ME1: variants seen among roughly 807,000 people sequenced by gnomAD.
ME1 encodes the protein NADP-dependent malic enzyme.
A neutral mutation model predicts 66.4 loss-of-function variants in ME1; 74 were observed. The ratio of observed to expected loss-of-function variants is 1.11; its 90% CI spans 0.92 to 1.35. The LOEUF is 1.35. ME1 is among the 40% of genes most tolerant of loss of function. The probability of loss-of-function intolerance (pLI) is 0.00; values close to 1 mark genes in which losing one functional copy is unlikely to be tolerated. For synonymous variants in ME1, 251 were observed against 235.6 expected, an observed-to-expected ratio of 1.07 and a Z score of -0.60; for missense variants, 750 against 694.1, an observed-to-expected ratio of 1.08 and a Z score of -0.90.
intron 1 of ME1, 41 bp from the exon 2 acceptor site, chr6:83,407,942 A>G (rs1448041056): frequency 4.6e-6 from 7 of 1,526,056 alleles, no homozygotes; most frequent in Non-Finnish European, 6.1e-6. Flanking sequence ...ACAGTATTTG[A>G]GAGGAAAATA....
intron 2 of ME1, among the ~76,000 whole-genome samples, chr6:83,400,717 T>C (rs1380248168): frequency 6.6e-6 from 1 of 152,200 alleles, no homozygotes; most frequent in Non-Finnish European, 1.5e-5. Flanking sequence ...ATAGCTTAGA[T>C]CATGTGGCTC....
At chr6:83,364,708 T>C (rs2128546439) in intron 3 of ME1, among the ~76,000 whole-genome samples, 1 of 151,848 alleles carries the variant, frequency 6.6e-6, no homozygotes, top group African/African-American at 2.4e-5. Flanking sequence ...TATGTGGGTA[T>C]ATACATATCT....
At chr6:83,268,713 G>A (rs1455742129) in intron 6 of ME1, among the ~76,000 whole-genome samples, 7 of 146,130 alleles carry the variant, frequency 4.8e-5, no homozygotes, top group Admixed American at 1.3e-4. Flanking sequence ...CCACAGGCGC[G>A]CATCACCATG....
At chr6:83,281,511 A>G (rs896167658) in intron 6 of ME1, among the ~76,000 whole-genome samples, 1 of 152,156 alleles carries the variant, frequency 6.6e-6, no homozygotes, top group Non-Finnish European at 1.5e-5. Context: ...GCTGAAAATC[A>G]ACACAAACTT....
chr6:83,268,812 G>A (rs1349059619), intron 6 of ME1, among the ~76,000 whole-genome samples: 1 of 151,332 alleles, frequency 6.6e-6, no homozygotes, highest in East Asian at 1.9e-4. Flanking sequence ...GGCTGGTCTT[G>A]AACTCCTGAG....
At chr6:83,401,058 C>T (rs1195580950) in intron 2 of ME1, among the ~76,000 whole-genome samples, 1 of 152,226 alleles carries the variant, frequency 6.6e-6, no homozygotes, top group Non-Finnish European at 1.5e-5. Flanking sequence ...CCTCAGCATT[C>T]TCAGCTCCTC....
At chr6:83,430,008 A>AT (rs1303293847) in intron 1 of ME1, among the ~76,000 whole-genome samples, 2 of 152,148 alleles carry the variant, frequency 1.3e-5, no homozygotes, top group African/African-American at 4.8e-5. Context: ...ATTCGGAGGT[A>AT]TTTTTTATTT....
At chr6:83,356,697 T>A (rs566365928) in intron 3 of ME1, among the ~76,000 whole-genome samples, 133 of 152,286 alleles carry the variant, frequency 8.7e-4, no homozygotes, top group African/African-American at 3.1e-3. Flanking sequence ...ATATGATCAT[T>A]AAGTGCAGTA....
chr6:83,278,874 C>T (rs1291929540), intron 6 of ME1, among the ~76,000 whole-genome samples: 4 of 152,304 alleles, frequency 2.6e-5, no homozygotes, highest in Admixed American at 1.3e-4. Flanking sequence ...CCTACCTAAA[C>T]TGGGGGAAGG....
intron 6 of ME1, among the ~76,000 whole-genome samples, chr6:83,261,820 C>A (rs1422919848): frequency 6.6e-6 from 1 of 151,844 alleles, no homozygotes; most frequent in African/African-American, 2.4e-5. Flanking sequence ...TCGAGACCAG[C>A]CTGGCCAACA....
chr6:83,329,347 T>C (rs1428513868), intron 5 of ME1, among the ~76,000 whole-genome samples: 1 of 152,158 alleles, frequency 6.6e-6, no homozygotes, highest in Admixed American at 6.6e-5. Context: ...ATAGAGTATA[T>C]TTTAACCTCT....
At chr6:83,423,433 G>T (rs1770309543) in intron 1 of ME1, among the ~76,000 whole-genome samples, 1 of 152,060 alleles carries the variant, frequency 6.6e-6, no homozygotes, top group African/African-American at 2.4e-5. Context: ...AACAGAAATA[G>T]TATCTACCTG....
intron 3 of ME1, among the ~76,000 whole-genome samples, chr6:83,357,091 A>C (rs1401734597): frequency 2.0e-5 from 3 of 152,158 alleles, no homozygotes; most frequent in Non-Finnish European, 2.9e-5. Flanking sequence ...TTGAGTTTGC[A>C]TACTGTTTGC....
At chr6:83,324,197 G>T (rs1434410258) in intron 5 of ME1, among the ~76,000 whole-genome samples, 2 of 151,876 alleles carry the variant, frequency 1.3e-5, no homozygotes, top group Admixed American at 6.6e-5. Context: ...AGTATTTAGA[G>T]GGAAATTTAT....
intron 1 of ME1, among the ~76,000 whole-genome samples, chr6:83,408,927 A>C (rs1769995114): frequency 6.6e-6 from 1 of 152,182 alleles, no homozygotes; most frequent in Non-Finnish European, 1.5e-5. Context: ...GTCCCCCAAA[A>C]TTCACATTGA....
intron 5 of ME1, among the ~76,000 whole-genome samples, chr6:83,324,032 C>T (rs1768233482): frequency 6.6e-6 from 1 of 152,100 alleles, no homozygotes. Flanking sequence ...GATTAATAAA[C>T]TCACTCAAAA....
chr6:83,215,028 T>C (rs1178474206), intron 13 of ME1, among the ~76,000 whole-genome samples: 2 of 152,350 alleles, frequency 1.3e-5, no homozygotes, highest in East Asian at 1.9e-4. Context: ...CTATTCAGTA[T>C]ATTAATAGTT....
chr6:83,276,208 A>G (rs950268745), intron 6 of ME1, among the ~76,000 whole-genome samples: 2 of 152,192 alleles, frequency 1.3e-5, no homozygotes, highest in Non-Finnish European at 1.5e-5. Flanking sequence ...CCAAGAACCA[A>G]CTTTGAATAC....
At chr6:83,334,083 C>G (rs576270552) in intron 5 of ME1, among the ~76,000 whole-genome samples, 8 of 152,228 alleles carry the variant, frequency 5.3e-5, no homozygotes, top group Admixed American at 2.0e-4. Context: ...GAGTGCCAGA[C>G]AGTGGGCGCA....
Sources: gnomAD v4.1 joint callset for allele counts (sites outside exome capture counted in the v4.1 genomes callset) on GRCh38, gnomAD v4.1.1 for gene constraint, MANE v1.5 for transcripts, NCBI Gene and HGNC (gene_info 2026-07-23, HGNC 2026-07-21) for gene names.